Variants in EYS observed in about 807,000 individuals in gnomAD.
The protein encoded by EYS is protein eyes shut homolog.
EYS carries 250 observed loss-of-function variants against 282.1 expected under a neutral mutation model. The ratio of observed to expected loss-of-function variants is 0.89; its 90% CI spans 0.80 to 0.98. The LOEUF is 0.98. EYS is among the 50% of genes least tolerant of loss of function. The pLI, the probability that EYS is intolerant of heterozygous loss-of-function variation, is 0.00. For synonymous variants in EYS, 1,355 were observed against 1,282.9 expected (o/e 1.06, Z -1.20); for missense variants, 4,016 against 3,709.0 (o/e 1.08, Z -2.15).
chr6:63,867,262 A>C (rs1772691671), intron 35 of EYS, among the ~76,000 whole-genome samples: 4 of 152,186 alleles, frequency 2.6e-5, no homozygotes, highest in Admixed American at 2.6e-4. Context: ...TATTATAATT[A>C]GCTTTGAGAG....
At chr6:65,197,376 A>G (rs537841957) in intron 12 of EYS, among the ~76,000 whole-genome samples, 3 of 152,220 alleles carry the variant, frequency 2.0e-5, no homozygotes, top group African/African-American at 7.2e-5. Context: ...GTAACTAAAA[A>G]GAGACAGCCA....
At chr6:64,173,621 C>T (rs1353718740) in intron 31 of EYS, among the ~76,000 whole-genome samples, 1 of 152,114 alleles carries the variant, frequency 6.6e-6, no homozygotes, top group East Asian at 1.9e-4. Context: ...TTTAGTGGTA[C>T]TACCAACAAT....
chr6:63,759,547 T>C (rs1769579050), intron 41 of EYS, among the ~76,000 whole-genome samples: 1 of 152,156 alleles, frequency 6.6e-6, no homozygotes, highest in Admixed American at 6.6e-5. Context: ...CTAGGAATCA[T>C]AGCCAGTGCC....
At chr6:64,513,399 A>G (rs1198885242) in intron 26 of EYS, among the ~76,000 whole-genome samples, 1 of 152,016 alleles carries the variant, frequency 6.6e-6, no homozygotes, top group African/African-American at 2.4e-5. Context: ...ATGAAAAAAT[A>G]TGAAATGATA....
Position 63,723,878 on chromosome 6 carries a change from A to C in EYS, c.8234-2081T>G, listed in dbSNP as rs1050936736. On this transcript the variant is annotated intron_variant, in intron 42 of 42. Transcript: ENST00000503581. ...GCTCTGTCCCCCAAGCTGGAGTGCA[A>C]TGGTGCAATCTCGGCTCACTGCAAC... 6.0e-5 allele frequency among the ~76,000 whole-genome samples: 9 copies of C among 151,004 alleles called. No individual in the cohort carries two copies. The South Asian group carries it at 8.4e-4, about 14-fold the overall frequency.
chr6:63,800,621 A>G (rs1298293118), intron 37 of EYS, among the ~76,000 whole-genome samples: 1 of 151,792 alleles, frequency 6.6e-6, no homozygotes, highest in Non-Finnish European at 1.5e-5. Context: ...GACCAACATG[A>G]TGAAACCGCG....
At chr6:65,266,638 T>A (rs1223217286) in intron 12 of EYS, among the ~76,000 whole-genome samples, 1 of 151,920 alleles carries the variant, frequency 6.6e-6, no homozygotes, top group Non-Finnish European at 1.5e-5. Flanking sequence ...TTTGCATCAA[T>A]GTTCATCAGG....
chr6:65,288,438 T>C (rs1276978807), intron 12 of EYS, among the ~76,000 whole-genome samples: 2 of 150,448 alleles, frequency 1.3e-5, no homozygotes, highest in African/African-American at 4.9e-5. Context: ...ACGAGATAGA[T>C]ACAAACAAAC....
chr6:63,983,351 A>G (rs1018952185), intron 35 of EYS, among the ~76,000 whole-genome samples: 1 of 151,764 alleles, frequency 6.6e-6, no homozygotes, highest in African/African-American at 2.4e-5. Context: ...CAAATTTATT[A>G]CTGTCATTCT....
intron 35 of EYS, among the ~76,000 whole-genome samples, chr6:63,901,086 C>T (rs1773647183): frequency 6.6e-6 from 1 of 152,088 alleles, no homozygotes; most frequent in Admixed American, 6.5e-5. Flanking sequence ...AGCATACAAA[C>T]AGTCAAAAGC....
At chr6:64,076,029 A>G (rs1286345162) in intron 32 of EYS, among the ~76,000 whole-genome samples, 2 of 151,968 alleles carry the variant, frequency 1.3e-5, no homozygotes. Context: ...ACTATGGCAG[A>G]GTTGAACTTG....
At chr6:64,557,761 T>C (rs1181873021) in intron 26 of EYS, among the ~76,000 whole-genome samples, 3 of 152,102 alleles carry the variant, frequency 2.0e-5, no homozygotes, top group East Asian at 1.9e-4. Context: ...CAATGGCCTA[T>C]GGGCTAAATC....
intron 35 of EYS, among the ~76,000 whole-genome samples, chr6:63,932,554 A>T (rs1400015842): frequency 6.6e-6 from 1 of 152,040 alleles, no homozygotes; most frequent in Non-Finnish European, 1.5e-5. Context: ...TCTATTTCCT[A>T]ATATTTGATG....
chr6:65,605,674 A>G (rs954699233), intron 2 of EYS, among the ~76,000 whole-genome samples: 14 of 151,898 alleles, frequency 9.2e-5, no homozygotes, highest in Non-Finnish European at 2.9e-5. Flanking sequence ...TACATTTGGT[A>G]TAAATAATAT....
At chr6:64,342,657 C>T (rs1239366930) in intron 29 of EYS, among the ~76,000 whole-genome samples, 1 of 152,034 alleles carries the variant, frequency 6.6e-6, no homozygotes, top group Non-Finnish European at 1.5e-5. Context: ...ACTGCATCAA[C>T]TAACGAGCAA....
chr6:64,596,909 A>G (rs1766604116), intron 24 of EYS, among the ~76,000 whole-genome samples: 1 of 152,226 alleles, frequency 6.6e-6, no homozygotes, highest in Non-Finnish European at 1.5e-5. Context: ...AACAATTGAC[A>G]GAGTGAACAG....
chr6:64,642,144 G>A (rs1373242611), intron 22 of EYS, among the ~76,000 whole-genome samples: 1 of 152,134 alleles, frequency 6.6e-6, no homozygotes, highest in African/African-American at 2.4e-5. Context: ...CAACTCTTAA[G>A]TTTCTGATTT....
chr6:64,037,792 C>G (rs1264356349), intron 33 of EYS, among the ~76,000 whole-genome samples: 1 of 152,088 alleles, frequency 6.6e-6, no homozygotes, highest in Non-Finnish European at 1.5e-5. Flanking sequence ...TAATAGGGTA[C>G]AGAGTCACTG....
intron 8 of EYS, among the ~76,000 whole-genome samples, chr6:65,358,185 C>T (rs180743735): frequency 8.6e-4 from 131 of 152,030 alleles, no homozygotes; most frequent in African/African-American, 3.0e-3. Context: ...GGAACTGATG[C>T]TTTAAAATAA....
Sources: gnomAD v4.1 joint callset for allele counts (sites outside exome capture counted in the v4.1 genomes callset) on GRCh38, gnomAD v4.1.1 for gene constraint, MANE v1.5 for transcripts, NCBI Gene and HGNC (gene_info 2026-07-23, HGNC 2026-07-21) for gene names.